The following BMP2K variants were observed in gnomAD, a reference collection of about 807,000 sequenced individuals.
BMP2K encodes the protein BMP2 inducible kinase.
A neutral mutation model predicts 116.0 loss-of-function variants in BMP2K; 74 were observed. The observed-to-expected ratio is 0.64, with a 90% CI of 0.53 to 0.77. The LOEUF (loss-of-function observed/expected upper bound fraction) is 0.77, where lower values mean the gene tolerates loss of function less well. Ranked by LOEUF, BMP2K falls within the 30% of genes least tolerant of loss-of-function variation. The pLI, the probability that BMP2K is intolerant of heterozygous loss-of-function variation, is 0.00. For synonymous variants in BMP2K, 486 were observed against 502.5 expected, an observed-to-expected ratio of 0.97 and a Z score of 0.44; for missense variants, 1,365 against 1,403.6, an observed-to-expected ratio of 0.97 and a Z score of 0.44.
intron 10 of BMP2K, among the ~76,000 whole-genome samples, chr4:78,868,930 C>T (rs965676488): frequency 1.4e-4 from 22 of 152,194 alleles, no homozygotes; most frequent in Admixed American, 7.8e-4. Flanking sequence ...CTTTTTCAGG[C>T]GCATGTTGCA....
rs573192309 is a variant in BMP2K at position 78,807,121 on chromosome 4, G to A, written c.179-18916G>A. 3.3e-5 allele frequency among the ~76,000 whole-genome samples: 5 copies of A among 152,106 alleles called. No individual in the cohort carries two copies. The South Asian group carries it at 8.3e-4, about 25-fold the overall frequency. On this transcript the variant is annotated intron_variant, in intron 1 of 15. Transcript: ENST00000502613. ...CCTGCCTTGGCCTCCCAAAGTGCTGGGATTATAGGTGGGAGCCACCGTGCC... is the reference window on the plus strand; with the variant it reads ...CCTGCCTTGGCCTCCCAAAGTGCTGAGATTATAGGTGGGAGCCACCGTGCC...
Position 78,826,057 on chromosome 4 carries a change from C to T in BMP2K, c.199C>T (p.Leu67Phe). The change falls in exon 2 of 16, where the codon CTC (leucine) becomes TTC (phenylalanine). Residue 67 changes from leucine to phenylalanine, a missense_variant. This residue lies in a region of BMP2K where 762 missense variants were observed against 756.7 expected (regional missense o/e 1.01). Coordinates refer to ENST00000502613, the MANE Select transcript of BMP2K (RefSeq NM_198892.2). ...LAEGGFSTVF[L>F]VRTHGGIRCA... ...TCTAGGTGGATTCTCCACAGTTTTC[C>T]TCGTGCGTACTCACGGTGGAATCCG... is the stretch of plus-strand genomic sequence containing the variant. 6.2e-7 allele frequency: 1 copy of T among 1,613,330 alleles called. No individual in the cohort carries two copies. Among genetic ancestry groups the T allele is most frequent in the Non-Finnish European group, 8.5e-7 (1 of 1,179,576 alleles).
At chr4:78,860,014 A>AT in intron 8 of BMP2K, 2 of 511,464 alleles carry the variant, frequency 3.9e-6, no homozygotes, top group Non-Finnish European at 7.6e-6. Context: ...CAGGACTGTT[A>AT]GTTTTTTTTT....
chr4:78,853,662 C>T (rs576965901), intron 7 of BMP2K, among the ~76,000 whole-genome samples: 1 of 152,234 alleles, frequency 6.6e-6, no homozygotes, highest in South Asian at 2.1e-4. Flanking sequence ...ACTTCTAGAG[C>T]CAAACAGCCT....
At chr4:78,838,125 T>C (rs1457087464) in intron 3 of BMP2K, among the ~76,000 whole-genome samples, 1 of 152,192 alleles carries the variant, frequency 6.6e-6, no homozygotes, top group Non-Finnish European at 1.5e-5. Context: ...TCACATCTTA[T>C]GTGGATGGCA....
chr4:78,853,516 A>G (rs1042905997), intron 7 of BMP2K, among the ~76,000 whole-genome samples: 5 of 152,178 alleles, frequency 3.3e-5, no homozygotes, highest in African/African-American at 1.2e-4. Flanking sequence ...AACCATTTAG[A>G]GGAGAATGAG....
chr4:78,778,028 T>C (rs917049323), intron 1 of BMP2K, among the ~76,000 whole-genome samples: 4 of 152,260 alleles, frequency 2.6e-5, no homozygotes, highest in African/African-American at 9.6e-5. Context: ...TAAAGTTTTC[T>C]AGCTCTTTAT....
chr4:78,828,578 A>AGG (rs1472454663), intron 2 of BMP2K, among the ~76,000 whole-genome samples: 3 of 152,188 alleles, frequency 2.0e-5, no homozygotes, highest in Admixed American at 2.0e-4. Context: ...AAAGGAGGGC[A>AGG]GGAGAGAGAT....
chr4:78,908,737 T>C (rs981418566), intron 15 of BMP2K, among the ~76,000 whole-genome samples: 7 of 152,318 alleles, frequency 4.6e-5, no homozygotes, highest in Non-Finnish European at 8.8e-5. Context: ...TCCAACTTAC[T>C]CATTTTTTAA....
At chr4:78,858,915 G>A (rs1731633034) in intron 7 of BMP2K, among the ~76,000 whole-genome samples, 1 of 151,908 alleles carries the variant, frequency 6.6e-6, no homozygotes, top group African/African-American at 2.4e-5. Context: ...CCAAATGGTA[G>A]TGGTCATTTT....
At chr4:78,812,262 C>A (rs184434492) in intron 1 of BMP2K, among the ~76,000 whole-genome samples, 1 of 152,186 alleles carries the variant, frequency 6.6e-6, no homozygotes, top group Non-Finnish European at 1.5e-5. Flanking sequence ...AGCCACTGTG[C>A]CTGGCCTTTA....
intron 13 of BMP2K, among the ~76,000 whole-genome samples, chr4:78,877,179 C>T (rs187547500): frequency 3.8e-4 from 58 of 152,112 alleles, no homozygotes; most frequent in African/African-American, 1.3e-3. Context: ...CTATTATAGA[C>T]TTGACTTTAT....
At chr4:78,781,645 T>G (rs1727510847) in intron 1 of BMP2K, among the ~76,000 whole-genome samples, 2 of 151,700 alleles carry the variant, frequency 1.3e-5, no homozygotes, top group South Asian at 2.1e-4. Context: ...GTAGGGAGAG[T>G]GTAGAATGAG....
chr4:78,788,202 A>G (rs1727823061), intron 1 of BMP2K, among the ~76,000 whole-genome samples: 1 of 151,912 alleles, frequency 6.6e-6, no homozygotes, highest in Non-Finnish European at 1.5e-5. Flanking sequence ...CAGGCACAGA[A>G]AAAAAAAGTT....
chr4:78,795,688 C>A (rs1225503674), intron 1 of BMP2K, among the ~76,000 whole-genome samples: 5 of 152,048 alleles, frequency 3.3e-5, no homozygotes, highest in East Asian at 1.9e-4. Context: ...TAACAAATTT[C>A]CAAGAAAAAA....
intron 2 of BMP2K, among the ~76,000 whole-genome samples, chr4:78,830,303 A>ATT (rs1440267345): frequency 2.6e-5 from 4 of 152,222 alleles, no homozygotes; most frequent in African/African-American, 9.6e-5. Context: ...TGGGCTTAAA[A>ATT]TATTCAGTAA....
At chr4:78,816,633 T>C (rs1578491639) in intron 1 of BMP2K, among the ~76,000 whole-genome samples, 2 of 152,234 alleles carry the variant, frequency 1.3e-5, no homozygotes, top group Admixed American at 1.3e-4. Flanking sequence ...GGTTAAGACC[T>C]GAGAGATGTT....
chr4:78,910,845 G>T lies in BMP2K; in HGVS notation c.2298G>T (p.Gln766His), dbSNP rs546493520. Residue 766 changes from glutamine to histidine, a missense_variant, in exon 16 of 16, where the codon CAG (glutamine) becomes CAT (histidine). Physicochemically the swap from Gln to His is conservative, Grantham distance 24. This residue lies in a region of BMP2K where 596 missense variants were observed against 623.2 expected (regional missense o/e 0.96). Transcript: ENST00000502613. ...EEEQDDEEVL[Q>H]GEQGDFNDDD... Reference sequence around the variant, plus strand: ...AGCAAGATGATGAAGAAGTTCTTCAGGGGGAACAAGGAGATTTTAATGATG... The same window carrying T: ...AGCAAGATGATGAAGAAGTTCTTCATGGGGAACAAGGAGATTTTAATGATG... 2 of 1,613,970 alleles carry T rather than the reference G, an allele frequency of 1.2e-6. No homozygotes were observed. The highest frequency in any genetic ancestry group is 2.2e-5 in the East Asian group (1 of 44,878).
chr4:78,829,787 T>TTTCTTTTCTCTTCTCTTCTCTTCTC (rs71216237), intron 2 of BMP2K, among the ~76,000 whole-genome samples: 65 of 86,630 alleles, frequency 7.5e-4, no homozygotes, highest in African/African-American at 1.1e-3. Context: ...TTTCTTTTCT[T>TTTCTTTTCTCTTCTCTTCTCTTCTC]TTCTCTTCTC....
Sources: allele counts gnomAD v4.1 joint callset (sites outside exome capture counted in the v4.1 genomes callset), GRCh38; gene constraint gnomAD v4.1.1; regional missense constraint gnomAD v4.1.1; transcripts MANE v1.5; gene names NCBI Gene and HGNC (gene_info 2026-07-23, HGNC 2026-07-21).